Variants in DNAH12 observed in about 807,000 individuals in gnomAD.
DNAH12 encodes axonemal beta dynein heavy chain 12.
A neutral mutation model predicts 371.5 loss-of-function variants in DNAH12; 285 were observed. The observed-to-expected ratio is 0.77, with a 90% CI of 0.70 to 0.85. The LOEUF is 0.85. Among genes scored for constraint, DNAH12 ranks in the 40% least tolerant of loss-of-function variants. The pLI is 0.00. For missense variants in DNAH12, 3,611 were observed against 3,689.4 expected (o/e 0.98, Z 0.55); for synonymous variants, 1,200 against 1,213.0 (o/e 0.99, Z 0.22).
chr3:57,301,465 G>A lies in DNAH12; in HGVS notation c.11394+270C>T, dbSNP rs180965300. Among the ~76,000 whole-genome samples, 3 of 151,938 alleles carry A rather than the reference G, an allele frequency of 2.0e-5. No homozygotes were observed. The East Asian group carries it at 5.8e-4, about 29-fold the overall frequency. ...CACATATTACATTGGTTTGGCTGAA[G>A]TATAATTTTAATTTTCCACTCAGTA... On this transcript the variant is annotated intron_variant, in intron 70 of 73. Coordinates refer to ENST00000495027, the MANE Select transcript of DNAH12 (RefSeq NM_001366028.2).
chr3:57,402,299 G>A, intron 43 of DNAH12: 1 of 937,266 alleles, frequency 1.1e-6, no homozygotes, highest in South Asian at 1.6e-5. Context: ...AAGAAGTCCA[G>A]CAATTTCTCC....
intron 72 of DNAH12, 114 bp from the exon 73 acceptor site, chr3:57,295,706 AAAAG>A (rs1393869092): frequency 2.4e-5 from 20 of 837,634 alleles, no homozygotes; most frequent in Admixed American, 3.5e-5. Context: ...GGCATAGAGA[AAAAG>A]AAATGTAAAA....
chr3:57,445,256 T>C lies in DNAH12; in HGVS notation c.4343A>G (p.Tyr1448Cys), dbSNP rs1049323363. The change falls in exon 28 of 74, where the codon TAT (tyrosine) becomes TGT (cysteine). Residue 1448 changes from tyrosine to cysteine, a missense_variant. This residue lies in a region of DNAH12 where 2,266 missense variants were observed against 2,236.9 expected (regional missense o/e 1.01). Coordinates refer to ENST00000495027, the MANE Select transcript of DNAH12 (RefSeq NM_001366028.2). ...AACGGCTTTTACTGCTCGCATTCCA[T>C]AGTCGTAATGAAATTGCGATGAGAG... ...EQLSSQFHYD[Y>C]GMRAVKAVLV... is the part of the protein sequence containing the mutation. 3.9e-6 allele frequency: 6 copies of C among 1,551,326 alleles called. No individual in the cohort carries two copies. The African/African-American group carries it at 5.5e-5, about 14-fold the overall frequency.
chr3:57,343,559 T>A (rs770334610), intron 60 of DNAH12, among the ~76,000 whole-genome samples: 1 of 152,228 alleles, frequency 6.6e-6, no homozygotes, highest in Admixed American at 6.5e-5. Context: ...GTCCAAGGTT[T>A]CTCCCCATGT....
chr3:57,418,365 C>CAAAA (rs57508616), intron 37 of DNAH12, among the ~76,000 whole-genome samples: 3 of 42,874 alleles, frequency 7.0e-5, no homozygotes, highest in African/African-American at 2.6e-4. Context: ...CCTGTCTCTA[C>CAAAA]AAAAAAAAAA....
At chr3:57,407,024 G>A (rs1575557379) in intron 40 of DNAH12, among the ~76,000 whole-genome samples, 1 of 151,892 alleles carries the variant, frequency 6.6e-6, no homozygotes, top group East Asian at 1.9e-4. Flanking sequence ...TCAGCCTCCC[G>A]AGTAGCTGGG....
chr3:57,539,620 T>A (rs1328684218), intron 2 of DNAH12, among the ~76,000 whole-genome samples: 1 of 149,990 alleles, frequency 6.7e-6, no homozygotes, highest in African/African-American at 2.5e-5. Context: ...TTTTCCTTTT[T>A]TTTTTTTTTT....
At chr3:57,458,029 AG>A in intron 21 of DNAH12, 26 bp from the exon 22 acceptor site, 1 of 1,541,048 alleles carries the variant, frequency 6.5e-7, no homozygotes, top group Non-Finnish European at 8.8e-7. Flanking sequence ...CAAATACAAA[AG>A]TTTTAGTTAT....
At chr3:57,490,753 T>C (rs2153385803) in intron 11 of DNAH12, among the ~76,000 whole-genome samples, 1 of 152,210 alleles carries the variant, frequency 6.6e-6, no homozygotes, top group East Asian at 1.9e-4. Flanking sequence ...AATTAATTGA[T>C]TCAAAGACTA....
intron 55 of DNAH12, among the ~76,000 whole-genome samples, chr3:57,371,083 C>T (rs2063160090): frequency 6.6e-6 from 1 of 152,090 alleles, no homozygotes; most frequent in Non-Finnish European, 1.5e-5. Context: ...TTTATACCAC[C>T]TGCATGACTG....
chr3:57,357,373 T>A (rs1374160784), intron 58 of DNAH12, 25 bp from the exon 59 acceptor site: 1 of 152,128 alleles, frequency 6.6e-6, no homozygotes, highest in Non-Finnish European at 1.5e-5. Context: ...AAAGCGAGAT[T>A]AAGAAATAGG....
intron 11 of DNAH12, among the ~76,000 whole-genome samples, chr3:57,497,390 G>C (rs575116501): frequency 6.6e-6 from 1 of 152,312 alleles, no homozygotes; most frequent in South Asian, 2.1e-4. Context: ...CATAAGAACA[G>C]ATACATAAAT....
intron 34 of DNAH12, among the ~76,000 whole-genome samples, chr3:57,427,017 G>A (rs1035500860): frequency 2.7e-4 from 41 of 152,028 alleles, no homozygotes; most frequent in Admixed American, 1.6e-3. Flanking sequence ...TTCATAAAGT[G>A]GAATTGCTCA....
At chr3:57,364,668 G>C (rs2063008075) in intron 57 of DNAH12, among the ~76,000 whole-genome samples, 1 of 152,106 alleles carries the variant, frequency 6.6e-6, no homozygotes, top group African/African-American at 2.4e-5. Flanking sequence ...TAAACTATCA[G>C]AATGTACAGA....
chr3:57,378,473 C>T (rs2063326640), intron 52 of DNAH12, among the ~76,000 whole-genome samples: 1 of 152,258 alleles, frequency 6.6e-6, no homozygotes, highest in East Asian at 1.9e-4. Flanking sequence ...GGAAGACCTT[C>T]CCAATTATTA....
At chr3:57,381,837 A>C (rs1337179464) in intron 50 of DNAH12, among the ~76,000 whole-genome samples, 8 of 151,904 alleles carry the variant, frequency 5.3e-5, no homozygotes, top group Non-Finnish European at 8.8e-5. Flanking sequence ...CTGCATAGAC[A>C]GAAAAGGAGA....
At chr3:57,506,767 G>T (rs1167255561) in intron 8 of DNAH12, among the ~76,000 whole-genome samples, 1 of 151,930 alleles carries the variant, frequency 6.6e-6, no homozygotes, top group Non-Finnish European at 1.5e-5. Flanking sequence ...TTCCTGGAGA[G>T]CCATATTTCT....
chr3:57,330,042 T>A (rs1378998489), intron 62 of DNAH12, among the ~76,000 whole-genome samples: 6 of 151,628 alleles, frequency 4.0e-5, no homozygotes, highest in Non-Finnish European at 8.8e-5. Flanking sequence ...AGAATGGCAA[T>A]CATTAAAAAG....
At chr3:57,447,554 G>A (rs371792656) in intron 25 of DNAH12, among the ~76,000 whole-genome samples, 28 of 152,238 alleles carry the variant, frequency 1.8e-4, no homozygotes, top group African/African-American at 6.5e-4. Flanking sequence ...TCAAAAAAAG[G>A]TCTACCTTTA....
Sources: gnomAD v4.1 joint callset for allele counts (sites outside exome capture counted in the v4.1 genomes callset) on GRCh38, gnomAD v4.1.1 for gene constraint, gnomAD v4.1.1 regional missense constraint, MANE v1.5 for transcripts, NCBI Gene and HGNC (gene_info 2026-07-23, HGNC 2026-07-21) for gene names.